DGLUCY: variants seen among roughly 807,000 people sequenced by gnomAD.
DGLUCY encodes D-glutamate cyclase, mitochondrial.
A neutral mutation model predicts 58.5 loss-of-function variants in DGLUCY; 58 were observed. That is an observed-to-expected ratio of 0.99 (90% confidence interval 0.80 to 1.23). The LOEUF (loss-of-function observed/expected upper bound fraction) is 1.23, where lower values mean the gene tolerates loss of function less well. Among genes scored for constraint, DGLUCY ranks in the 50% most tolerant of loss-of-function variants. DGLUCY has a pLI of 0.00. For synonymous variants in DGLUCY, 325 were observed against 314.1 expected (o/e 1.03, Z -0.37); for missense variants, 779 against 784.7 (o/e 0.99, Z 0.09).
chr14:91,111,198 A>ATGTGTGTG (rs1201886405), upstream of DGLUCY, among the ~76,000 whole-genome samples: 85 of 32,646 alleles, frequency 2.6e-3, 1 homozygote, highest in African/African-American at 4.8e-3. Flanking sequence ...TTTTATTTAT[A>ATGTGTGTG]TATATGTGTG....
chr14:91,196,202 G>T (rs558310233), intron 9 of DGLUCY, among the ~76,000 whole-genome samples, 173 bp from the exon 10 acceptor site: 40 of 152,232 alleles, frequency 2.6e-4, no homozygotes, highest in Non-Finnish European at 4.3e-4. Flanking sequence ...AGGACCAAAA[G>T]TAAACTTAAA....
At chr14:91,085,904 C>G (rs1330536629) in intron 1 of DGLUCY, among the ~76,000 whole-genome samples, 1 of 152,140 alleles carries the variant, frequency 6.6e-6, no homozygotes, top group African/African-American at 2.4e-5. Flanking sequence ...TTCCCAACCC[C>G]CAGGCCATGT....
intron 4 of DGLUCY, among the ~76,000 whole-genome samples, chr14:91,169,491 C>T (rs1329416752): frequency 6.6e-6 from 1 of 151,968 alleles, no homozygotes; most frequent in Non-Finnish European, 1.5e-5. Flanking sequence ...CTCACTACAA[C>T]CTCCACCTCC....
Position 91,181,223 on chromosome 14 carries a change from A to G in DGLUCY, c.768A>G (p.Thr256=). The part of the protein sequence containing the change: ...PLAFASIPGC[T]VMTDLKDAKA... ...CTTTTGCCAGCATCCCAGGCTGCAC[A>G]GTTATGACTGACCTGAAGGATGCAA... is the stretch of plus-strand genomic sequence containing the variant. Residue 256 remains threonine (T), a synonymous_variant, in exon 8 of 14, where the codon ACA becomes ACG. Coordinates refer to ENST00000256324, the MANE Select transcript of DGLUCY (RefSeq NM_001102368.3). The G allele has an allele frequency of 1.2e-6, 2 of 1,614,172 alleles. No homozygotes were observed. Among genetic ancestry groups the G allele is most frequent in the Non-Finnish European group, 1.7e-6 (2 of 1,180,034 alleles).
At chr14:91,116,581 T>C (rs944781980) in intron 1 of DGLUCY, among the ~76,000 whole-genome samples, 8 of 152,158 alleles carry the variant, frequency 5.3e-5, no homozygotes, top group Non-Finnish European at 7.3e-5. Flanking sequence ...AGAGTGTTCT[T>C]GGACCTTGTG....
In DGLUCY at chr14:91,224,679, T is replaced by C. The variant is rs1887972462; in HGVS notation, c.1717-5T>C. 6.3e-6 allele frequency: 10 copies of C among 1,588,778 alleles called. No homozygotes were observed. Among genetic ancestry groups the C allele is most frequent in the Non-Finnish European group, 8.6e-6 (10 of 1,160,820 alleles). On this transcript the variant is annotated splice_region_variant and splice_polypyrimidine_tract_variant and intron_variant, in intron 13 of 13. Transcript: ENST00000256324. ...TCCTTCTATTTCTGCCCTATTTTTT[T>C]CCAGGAAGAAAAAATGCTGGGCATC...
chr14:91,166,999 C>T (rs989759483), intron 3 of DGLUCY, among the ~76,000 whole-genome samples: 11 of 151,962 alleles, frequency 7.2e-5, no homozygotes, highest in African/African-American at 2.7e-4. Context: ...ATTAGCTAGG[C>T]GTGGTGGCAG....
chr14:91,141,467 C>T (rs1318162388), intron 1 of DGLUCY, among the ~76,000 whole-genome samples: 1 of 151,520 alleles, frequency 6.6e-6, no homozygotes, highest in Non-Finnish European at 1.5e-5. Context: ...CCATTTCATC[C>T]TTAGAACGAT....
At position 91,190,175 on chromosome 14, in the gene DGLUCY, G is replaced by C. The variant is rs562514899; in HGVS notation, c.1195+1005G>C. 2.0e-3 allele frequency among the ~76,000 whole-genome samples: 298 copies of C among 151,584 alleles called. 1 individual carries two copies. Among genetic ancestry groups the C allele is most frequent in the African/African-American group, 7.1e-3 (294 of 41,332 alleles). ...GCTAATTTTTTGTATTTTTAGTAGA[G>C]ACGGGGTTTCACCGTGTTAGCCAGG... On this transcript the variant is annotated intron_variant, in intron 9 of 13. Coordinates refer to ENST00000256324, the MANE Select transcript of DGLUCY (RefSeq NM_001102368.3).
chr14:91,155,280 G>GTAATA (rs1481167919), intron 1 of DGLUCY, among the ~76,000 whole-genome samples: 1 of 152,168 alleles, frequency 6.6e-6, no homozygotes, highest in Non-Finnish European at 1.5e-5. Context: ...GGGGCCCAGA[G>GTAATA]TAATAAACAT....
intron 8 of DGLUCY, among the ~76,000 whole-genome samples, chr14:91,183,621 G>A (rs181120592): frequency 6.6e-5 from 10 of 152,274 alleles, no homozygotes; most frequent in African/African-American, 1.7e-4. Context: ...GCATTTATGC[G>A]TTTCATCTTA....
In DGLUCY at chr14:91,196,658, G is replaced by C. The variant is rs145862696; in HGVS notation, c.1295+184G>C. 4.5e-3 allele frequency among the ~76,000 whole-genome samples: 680 copies of C among 151,574 alleles called. 5 individuals are homozygous for C. Among genetic ancestry groups the C allele is most frequent in the African/African-American group, 0.016 (657 of 41,246 alleles). Reference sequence around the variant, plus strand: ...TGGGGGGTTTCAAGGTATCCTGGGGGCCTCACAGAACATCTCTGGAAGTAA... The same window carrying C: ...TGGGGGGTTTCAAGGTATCCTGGGGCCCTCACAGAACATCTCTGGAAGTAA... On this transcript the variant is annotated intron_variant, in intron 10 of 13. Transcript: ENST00000256324.
intron 1 of DGLUCY, among the ~76,000 whole-genome samples, chr14:91,096,818 GCCC>G (rs2044402795): frequency 1.3e-5 from 2 of 152,172 alleles, no homozygotes. Flanking sequence ...GAACAAGTTG[GCCC>G]ACTGAGAGGG....
chr14:91,107,706 T>C (rs1342054444), upstream of DGLUCY, among the ~76,000 whole-genome samples: 1 of 151,900 alleles, frequency 6.6e-6, no homozygotes, highest in Admixed American at 6.6e-5. Flanking sequence ...TTGTGAAGCT[T>C]AGATTCCAGA....
At position 91,224,847 on chromosome 14, in the gene DGLUCY, G is replaced by A. The variant is rs1183643582; in HGVS notation, c.*14G>A. The A allele has an allele frequency of 1.4e-5, 22 of 1,590,854 alleles. No homozygotes were observed. Among genetic ancestry groups the A allele is most frequent in the East Asian group, 4.5e-5 (2 of 44,138 alleles). ...GCACAGGTGTAACCGTCCATGTTCC[G>A]TGTGAGCAGAGTCCCTACCAACGGG... is the stretch of plus-strand genomic sequence containing the variant. On this transcript the variant is annotated 3_prime_UTR_variant, in exon 14 of 14. Transcript: ENST00000256324.
At chr14:91,163,217 G>A (rs960557956) in intron 3 of DGLUCY, among the ~76,000 whole-genome samples, 3 of 150,032 alleles carry the variant, frequency 2.0e-5, no homozygotes, top group Non-Finnish European at 3.0e-5. Context: ...CCAAGATTGC[G>A]CCACTGCACT....
intron 1 of DGLUCY, among the ~76,000 whole-genome samples, chr14:91,124,693 T>C (rs1303547023): frequency 6.6e-6 from 1 of 152,254 alleles, no homozygotes; most frequent in Non-Finnish European, 1.5e-5. Flanking sequence ...GATTTTTACC[T>C]GCTGTACTTG....
intron 1 of DGLUCY, among the ~76,000 whole-genome samples, chr14:91,079,751 A>G (rs183676538): frequency 2.0e-5 from 3 of 152,370 alleles, no homozygotes; most frequent in Admixed American, 2.0e-4. Flanking sequence ...AAATTGTTGT[A>G]CTAGAAAAGA....
chr14:91,173,620 T>G, intron 6 of DGLUCY, 181 bp downstream of exon 6: 1 of 821,320 alleles, frequency 1.2e-6, no homozygotes, highest in Non-Finnish European at 1.8e-6. Context: ...GACAGGAGTT[T>G]GCCACGTTCC....
Sources: allele counts gnomAD v4.1 joint callset (sites outside exome capture counted in the v4.1 genomes callset), GRCh38; gene constraint gnomAD v4.1.1; transcripts MANE v1.5; gene names NCBI Gene and HGNC (gene_info 2026-07-23, HGNC 2026-07-21).